The following PHF14 variants were observed in gnomAD, a reference collection of about 807,000 sequenced individuals.
PHF14 encodes the protein PHD finger protein 14.
PHF14 carries 55 observed loss-of-function variants against 117.9 expected under a neutral mutation model. The observed-to-expected ratio is 0.47, with a 90% CI of 0.38 to 0.58. The LOEUF is 0.58. Among genes scored for constraint, PHF14 ranks in the 20% least tolerant of loss-of-function variants. The pLI is 0.00. For synonymous variants in PHF14, 409 were observed against 368.6 expected, an observed-to-expected ratio of 1.11 and a Z score of -1.26; for missense variants, 978 against 1,122.2, an observed-to-expected ratio of 0.87 and a Z score of 1.84.
chr7:11,090,260 C>G (rs1786593427), intron 16 of PHF14, among the ~76,000 whole-genome samples: 1 of 152,178 alleles, frequency 6.6e-6, no homozygotes, highest in South Asian at 2.1e-4. Flanking sequence ...AGGAGAAGTT[C>G]TGCTTTGAAT....
chr7:11,145,812 C>G (rs1014055077), intron 17 of PHF14, among the ~76,000 whole-genome samples: 1 of 151,942 alleles, frequency 6.6e-6, no homozygotes, highest in African/African-American at 2.4e-5. Context: ...GATGCCTAAA[C>G]CTTTTAATTT....
At chr7:11,004,265 A>AAAAAG (rs1442985943) in intron 4 of PHF14, among the ~76,000 whole-genome samples, 6 of 149,264 alleles carry the variant, frequency 4.0e-5, no homozygotes, top group African/African-American at 7.3e-5. Flanking sequence ...AAAAAAAAAA[A>AAAAAG]AAAAGAAAAG....
At chr7:10,992,469 C>T (rs1782495616) in intron 4 of PHF14, among the ~76,000 whole-genome samples, 1 of 151,150 alleles carries the variant, frequency 6.6e-6, no homozygotes, top group Admixed American at 6.6e-5. Flanking sequence ...TTGAGACCAG[C>T]CTGGCCAACA....
chr7:10,984,334 C>T (rs1331225390), intron 3 of PHF14, among the ~76,000 whole-genome samples: 2 of 152,096 alleles, frequency 1.3e-5, no homozygotes, highest in Non-Finnish European at 2.9e-5. Flanking sequence ...CATTGGTTAA[C>T]TTCTGAAACC....
rs567541234 is a variant in PHF14 at position 11,079,993 on chromosome 7, A to G, written c.2654+17908A>G. ...GCTAGAGCTGATTATACAAGGAAAC[A>G]AAATATGAATAGACTCAGTGGTCTA... On this transcript the variant is annotated intron_variant, in intron 16 of 17. Coordinates refer to ENST00000634607, the MANE Select transcript of PHF14 (RefSeq NM_001007157.2). Among the ~76,000 whole-genome samples, 3 of 152,288 alleles carry G rather than the reference A, an allele frequency of 2.0e-5. No homozygotes were observed. The East Asian group carries it at 5.8e-4, about 29-fold the overall frequency.
At position 10,974,186 on chromosome 7, in the gene PHF14, G is replaced by C. The variant is rs1781781326; in HGVS notation, c.-138G>C. On this transcript the variant is annotated 5_prime_UTR_variant, in exon 1 of 18. Transcript: ENST00000634607. The stretch of plus-strand genomic sequence containing the variant: ...CGGGGCTACTCTTGGGAGCGCCCCT[G>C]TCCGGCTGGCTGCGCGCCGGTTTTA... The C allele has an allele frequency of 1.3e-6, 1 of 763,196 alleles. No individual in the cohort carries two copies. The allele number at this position is 763,196 out of a possible 1,614,324, so 47.3% of individuals were successfully genotyped here.
chr7:11,063,286 T>C (rs1785302125), intron 16 of PHF14: 7 of 984,506 alleles, frequency 7.1e-6, no homozygotes, highest in Non-Finnish European at 8.4e-6. Flanking sequence ...AAATTTAGGG[T>C]AAAGTAGTAA....
intron 17 of PHF14, among the ~76,000 whole-genome samples, chr7:11,132,002 C>A (rs906206190): frequency 7.9e-5 from 12 of 151,778 alleles, no homozygotes; most frequent in African/African-American, 2.9e-4. Context: ...AGGTATACAA[C>A]ATGGTGTTCT....
In PHF14 at chr7:11,111,322, C is replaced by G. The variant is rs760775796; in HGVS notation, c.2655-28C>G. 38 of 1,065,084 alleles carry G rather than the reference C, an allele frequency of 3.6e-5. No homozygotes were observed. The South Asian group carries it at 3.6e-4, about 10-fold the overall frequency. The allele number at this position is 1,065,084 out of a possible 1,614,324, so 66.0% of individuals were successfully genotyped here. A position where few individuals can be genotyped will look rare whatever the true frequency, so the allele number is the denominator to read the frequency against. ...ATGGTTTTTATATTATTTAGATACA[C>G]CTACCTATAAATCTGTTTACCCTGC... On this transcript the variant is annotated intron_variant, in intron 16 of 17. Transcript: ENST00000634607.
chr7:11,061,383 A>C (rs1450792940), intron 14 of PHF14: 1 of 153,140 alleles, frequency 6.5e-6, no homozygotes, highest in Non-Finnish European at 1.5e-5. Context: ...ATATGTAGGC[A>C]AACAATGTGT....
chr7:11,168,521 G>C (rs1000829830), intron 17 of PHF14, among the ~76,000 whole-genome samples: 1 of 152,168 alleles, frequency 6.6e-6, no homozygotes, highest in African/African-American at 2.4e-5. Context: ...TACAGAGATA[G>C]AGTGGTATGT....
At chr7:10,975,193 C>CT (rs1333453055) in intron 2 of PHF14, among the ~76,000 whole-genome samples, 1 of 152,204 alleles carries the variant, frequency 6.6e-6, no homozygotes, top group Non-Finnish European at 1.5e-5. Context: ...AAGGATTTCT[C>CT]TGTTTTACAC....
intron 6 of PHF14, among the ~76,000 whole-genome samples, chr7:11,026,746 A>G (rs921976237): frequency 4.7e-5 from 7 of 148,602 alleles, no homozygotes; most frequent in African/African-American, 1.2e-4. Flanking sequence ...TTTAAATTTA[A>G]TTTATTACAA....
Position 11,161,911 on chromosome 7 carries a change from A to T in PHF14, c.2773-7505A>T, listed in dbSNP as rs369413654. On this transcript the variant is annotated intron_variant, in intron 17 of 17. Transcript: ENST00000634607. ...CATACACTTCATGCGTATTTCCCAG[A>T]TATTAGTAGTTTACTACCTGAAGGA... Among the ~76,000 whole-genome samples, 9 of 150,628 alleles carry T rather than the reference A, an allele frequency of 6.0e-5. No individual in the cohort carries two copies. In the East Asian group the frequency reaches 9.7e-4, roughly 16 times the overall value.
chr7:11,161,388 T>G (rs1789019278), intron 17 of PHF14, among the ~76,000 whole-genome samples: 1 of 152,132 alleles, frequency 6.6e-6, no homozygotes, highest in Admixed American at 6.5e-5. Flanking sequence ...CCTAAACAAT[T>G]CATGATTATT....
At chr7:11,140,469 A>G (rs1788369171) in intron 17 of PHF14, among the ~76,000 whole-genome samples, 1 of 152,138 alleles carries the variant, frequency 6.6e-6, no homozygotes, top group South Asian at 2.1e-4. Flanking sequence ...GCAGTTATAG[A>G]AGCAAATATG....
At chr7:11,159,138 T>C (rs1267291879) in intron 17 of PHF14, among the ~76,000 whole-genome samples, 1 of 152,114 alleles carries the variant, frequency 6.6e-6, no homozygotes, top group Non-Finnish European at 1.5e-5. Context: ...CAAGTTCTTA[T>C]GTAGGTAATA....
intron 17 of PHF14, among the ~76,000 whole-genome samples, chr7:11,142,579 T>G (rs1394516097): frequency 6.6e-6 from 1 of 152,090 alleles, no homozygotes; most frequent in African/African-American, 2.4e-5. Context: ...GTGTCTTCCA[T>G]ATATTAAAGT....
intron 6 of PHF14, among the ~76,000 whole-genome samples, chr7:11,026,108 TCAAA>T (rs1562426625): frequency 7.9e-5 from 10 of 126,058 alleles, no homozygotes; most frequent in Non-Finnish European, 9.5e-5. Context: ...TGAGACTCCA[TCAAA>T]AAAAAAAAAA....
Sources: allele counts gnomAD v4.1 joint callset (sites outside exome capture counted in the v4.1 genomes callset), GRCh38; gene constraint gnomAD v4.1.1; transcripts MANE v1.5; gene names NCBI Gene and HGNC (gene_info 2026-07-23, HGNC 2026-07-21).